FHIP1A: variants seen among roughly 807,000 people sequenced by gnomAD.
FHIP1A encodes the protein FHF complex subunit HOOK-interacting protein 1A.
Under a neutral mutation model 88.6 loss-of-function variants are expected in FHIP1A, and 61 were observed. That is an observed-to-expected ratio of 0.69 (90% CI 0.56 to 0.85). The LOEUF (loss-of-function observed/expected upper bound fraction) is 0.85, where lower values mean the gene tolerates loss of function less well. FHIP1A is among the 40% of genes least tolerant of loss of function. FHIP1A has a pLI of 0.00. For synonymous variants in FHIP1A, 478 were observed against 496.0 expected (o/e 0.96, Z 0.48); for missense variants, 1,154 against 1,273.5 (o/e 0.91, Z 1.43).
rs1057082155 is a variant in FHIP1A, at chr4:151,664,436, G to A, written c.*1682G>A. ...AGGAGACCTGGCCTGGGCAGGGTGA[G>A]CTGTTAGGAGCCAGCCTTGCTTTCG... On this transcript the variant is annotated 3_prime_UTR_variant, in exon 14 of 14. Coordinates refer to ENST00000435205, the MANE Select transcript of FHIP1A (RefSeq NM_001109977.3). Among the ~76,000 whole-genome samples, 4 of 152,212 alleles carry A rather than the reference G, an allele frequency of 2.6e-5. No individual in the cohort carries two copies. Among genetic ancestry groups the A allele is most frequent in the African/African-American group, 9.6e-5 (4 of 41,456 alleles).
chr4:151,518,203 A>G (rs758246423), intron 3 of FHIP1A, among the ~76,000 whole-genome samples: 1 of 152,096 alleles, frequency 6.6e-6, no homozygotes, highest in African/African-American at 2.4e-5. Flanking sequence ...TACCTTTTCT[A>G]TGTTTAGATA....
chr4:151,545,793 A>G (rs1440395775), intron 3 of FHIP1A, among the ~76,000 whole-genome samples: 1 of 152,184 alleles, frequency 6.6e-6, no homozygotes, highest in African/African-American at 2.4e-5. Flanking sequence ...AAATTTCCCT[A>G]TTAAAAAAAT....
intron 2 of FHIP1A, among the ~76,000 whole-genome samples, chr4:151,457,523 A>G (rs946386782): frequency 3.9e-5 from 6 of 152,222 alleles, no homozygotes; most frequent in Non-Finnish European, 7.3e-5. Context: ...TCCATGTTCC[A>G]GAACTTATTA....
At position 151,577,998 on chromosome 4, in the gene FHIP1A, A is replaced by T. The variant is rs934883582; in HGVS notation, c.654A>T (p.Ala218=). 2 of 1,550,620 alleles carry T rather than the reference A, an allele frequency of 1.3e-6. No homozygotes were observed. The highest frequency in any genetic ancestry group is 8.7e-7 in the Non-Finnish European group (1 of 1,146,762). Residue 218 remains alanine (A), a synonymous_variant, in exon 5 of 14, where the codon GCA becomes GCT. Transcript: ENST00000435205. ...EGSVGQQARD[A]LLFIMSLSAE... ...CAGTAGGCCAGCAAGCTCGGGATGC[A>T]TTGCTCTTCATCATGTCTCTTTCTG...
At chr4:151,458,006 T>C (rs910902535) in intron 2 of FHIP1A, among the ~76,000 whole-genome samples, 1 of 152,228 alleles carries the variant, frequency 6.6e-6, no homozygotes, top group Non-Finnish European at 1.5e-5. Flanking sequence ...TGATAATGAT[T>C]GTAAAAAATA....
chr4:151,485,097 A>G (rs1339126477), intron 3 of FHIP1A, among the ~76,000 whole-genome samples: 1 of 152,208 alleles, frequency 6.6e-6, no homozygotes, highest in Non-Finnish European at 1.5e-5. Flanking sequence ...AACCACCTAC[A>G]TAATGCTGTA....
intron 3 of FHIP1A, among the ~76,000 whole-genome samples, chr4:151,550,030 T>C (rs143605528): frequency 6.6e-6 from 1 of 152,320 alleles, no homozygotes; most frequent in East Asian, 1.9e-4. Context: ...AGTGACAGGA[T>C]GATTTTTCTT....
intron 4 of FHIP1A, among the ~76,000 whole-genome samples, chr4:151,572,193 C>A (rs545352721): frequency 2.6e-5 from 4 of 152,074 alleles, no homozygotes; most frequent in Non-Finnish European, 5.9e-5. Context: ...GGTGACAGAG[C>A]GAGACTCCAT....
intron 3 of FHIP1A, among the ~76,000 whole-genome samples, chr4:151,552,713 A>G (rs1732790378): frequency 6.6e-6 from 1 of 152,076 alleles, no homozygotes; most frequent in Non-Finnish European, 1.5e-5. Flanking sequence ...ATTAGGAGAA[A>G]TACCTAATGT....
Position 151,555,642 on chromosome 4 carries a change from A to G in FHIP1A, c.-122-10496A>G, listed in dbSNP as rs530809843. 4.6e-5 allele frequency among the ~76,000 whole-genome samples: 7 copies of G among 152,292 alleles called. No individual in the cohort carries two copies. In the East Asian group the frequency reaches 9.6e-4, roughly 21 times the overall value. On this transcript the variant is annotated intron_variant, in intron 3 of 13. Transcript: ENST00000435205. ...AATTAAATTATGAGAAAAATAACCT[A>G]TGGAGTTAAACAAGATGAACTGAGG... is the stretch of plus-strand genomic sequence containing the variant.
intron 4 of FHIP1A, among the ~76,000 whole-genome samples, chr4:151,570,453 T>C (rs1407478831): frequency 2.1e-5 from 3 of 142,558 alleles, no homozygotes; most frequent in Non-Finnish European, 3.2e-5. Flanking sequence ...ATTTAATTAC[T>C]TATATTTTTA....
At chr4:151,622,126 A>G (rs1304392318) in intron 7 of FHIP1A, among the ~76,000 whole-genome samples, 1 of 152,178 alleles carries the variant, frequency 6.6e-6, no homozygotes, top group Admixed American at 6.5e-5. Context: ...TAAGTTTGCA[A>G]TCTTAAAGGA....
intron 3 of FHIP1A, among the ~76,000 whole-genome samples, chr4:151,497,515 T>C (rs1238940492): frequency 6.6e-6 from 1 of 152,232 alleles, no homozygotes; most frequent in Non-Finnish European, 1.5e-5. Flanking sequence ...CTCTGGCCTC[T>C]TATAGGAAAA....
At chr4:151,636,060 T>C (rs1736341640) in intron 8 of FHIP1A, among the ~76,000 whole-genome samples, 1 of 151,866 alleles carries the variant, frequency 6.6e-6, no homozygotes, top group Non-Finnish European at 1.5e-5. Context: ...GAATATGGGC[T>C]CCCCAGTTCT....
At chr4:151,438,208 T>G (rs1222665564) in intron 1 of FHIP1A, among the ~76,000 whole-genome samples, 1 of 152,150 alleles carries the variant, frequency 6.6e-6, no homozygotes, top group Non-Finnish European at 1.5e-5. Flanking sequence ...ATCTCTAAGG[T>G]GCTTTTAAGC....
intron 2 of FHIP1A, among the ~76,000 whole-genome samples, chr4:151,456,412 CAAGT>C (rs1728970043): frequency 6.6e-6 from 1 of 152,010 alleles, no homozygotes; most frequent in African/African-American, 2.4e-5. Context: ...CTGTGGAACT[CAAGT>C]GAGGAGAGTT....
Position 151,656,957 on chromosome 4 carries a change from A to T in FHIP1A, c.2869+59A>T. 1 of 1,487,550 alleles carries T rather than the reference A, an allele frequency of 6.7e-7. No individual in the cohort carries two copies. The highest frequency in any genetic ancestry group is 9.0e-7 in the Non-Finnish European group (1 of 1,108,132). 92.1% of individuals were successfully genotyped at this position (1,487,550 alleles called of 1,614,324 possible). ...AATTCCTCCTCCACGTCCCTGGCCT[A>T]CTGGCCTCAGTTCACAGATGCTGCA... On this transcript the variant is annotated intron_variant, in intron 13 of 13. Coordinates refer to ENST00000435205, the MANE Select transcript of FHIP1A (RefSeq NM_001109977.3). The surrounding 1 kb of genome is among the most constrained non-coding windows in gnomAD (Gnocchi z 4.2).
chr4:151,461,390 G>A (rs1214712172), intron 2 of FHIP1A, among the ~76,000 whole-genome samples: 1 of 152,144 alleles, frequency 6.6e-6, no homozygotes, highest in South Asian at 2.1e-4. Context: ...GTGAGGTGAG[G>A]TATGGTGGGC....
chr4:151,559,250 A>G (rs182789315), intron 3 of FHIP1A, among the ~76,000 whole-genome samples: 10 of 152,262 alleles, frequency 6.6e-5, no homozygotes, highest in Non-Finnish European at 8.8e-5. Context: ...TGCTATACTT[A>G]TGGTAGACAT....
Sources: allele counts gnomAD v4.1 joint callset (sites outside exome capture counted in the v4.1 genomes callset), GRCh38; gene constraint gnomAD v4.1.1; non-coding constraint Gnocchi (gnomAD v3.1); transcripts MANE v1.5; gene names NCBI Gene and HGNC (gene_info 2026-07-23, HGNC 2026-07-21).